GRM5: variants seen among roughly 807,000 people sequenced by gnomAD.
GRM5 encodes the protein metabotropic glutamate receptor 5.
In GRM5, 19 loss-of-function variants were observed where a neutral mutation model predicts 83.1. That is an observed-to-expected ratio of 0.23 (90% CI 0.16 to 0.34). The LOEUF is 0.34. Among genes scored for constraint, GRM5 ranks in the 10% least tolerant of loss-of-function variants. The pLI is 1.00. For missense variants in GRM5, 1,160 were observed against 1,588.3 expected, an observed-to-expected ratio of 0.73 and a Z score of 4.58; for synonymous variants, 675 against 633.6, an observed-to-expected ratio of 1.07 and a Z score of -0.98.
chr11:88,607,265 C>G (rs1938179693), intron 4 of GRM5, among the ~76,000 whole-genome samples: 1 of 152,168 alleles, frequency 6.6e-6, no homozygotes, highest in Admixed American at 6.5e-5. Flanking sequence ...GCTGGAAATT[C>G]CATTATTCTA....
intron 1 of GRM5, among the ~76,000 whole-genome samples, chr11:89,060,350 G>A (rs1321832403): frequency 1.3e-5 from 2 of 151,708 alleles, no homozygotes; most frequent in African/African-American, 4.8e-5. Flanking sequence ...GAAAATGGGG[G>A]ATGGGTTATG....
intron 7 of GRM5, among the ~76,000 whole-genome samples, chr11:88,576,068 A>G (rs182269251): frequency 1.2e-3 from 178 of 152,318 alleles, no homozygotes; most frequent in African/African-American, 3.8e-3. Flanking sequence ...GCTTTGAAAA[A>G]TATGACTTCC....
intron 9 of GRM5, chr11:88,512,340 A>T (rs1334194586): frequency 1.3e-5 from 2 of 154,422 alleles, no homozygotes; most frequent in Non-Finnish European, 2.9e-5. Flanking sequence ...AGAGAAATGG[A>T]GTCCAAATGT....
chr11:88,704,089 T>C (rs914641969), intron 3 of GRM5, among the ~76,000 whole-genome samples: 1 of 152,048 alleles, frequency 6.6e-6, no homozygotes, highest in Non-Finnish European at 1.5e-5. Context: ...GGTGCATGCA[T>C]ATGGAAGAAA....
chr11:88,570,890 A>G (rs1181676842), intron 7 of GRM5, among the ~76,000 whole-genome samples: 1 of 151,830 alleles, frequency 6.6e-6, no homozygotes, highest in Non-Finnish European at 1.5e-5. Context: ...ATTATTTTAT[A>G]TTAGTTCATT....
At chr11:88,984,917 A>T in intron 2 of GRM5, 1 of 614,598 alleles carries the variant, frequency 1.6e-6, no homozygotes, top group Non-Finnish European at 3.0e-6. Context: ...TATCAATGAT[A>T]TTTTTAAATG....
At chr11:88,545,680 T>G (rs1942371887) in intron 8 of GRM5, among the ~76,000 whole-genome samples, 1 of 152,198 alleles carries the variant, frequency 6.6e-6, no homozygotes, top group South Asian at 2.1e-4. Flanking sequence ...TTATTAAGTT[T>G]CATCATTATA....
intron 1 of GRM5, among the ~76,000 whole-genome samples, chr11:89,059,410 C>T (rs1386070794): frequency 6.6e-6 from 1 of 152,012 alleles, no homozygotes; most frequent in African/African-American, 2.4e-5. Flanking sequence ...TAGATATTTG[C>T]ACATTCCTTT....
intron 3 of GRM5, among the ~76,000 whole-genome samples, chr11:88,721,925 CTTAAT>C (rs1442245904): frequency 6.6e-6 from 1 of 152,142 alleles, no homozygotes; most frequent in African/African-American, 2.4e-5. Context: ...CTCATTACTT[CTTAAT>C]TTCTTTCCAG....
chr11:88,535,944 A>G (rs1479469998), intron 8 of GRM5, among the ~76,000 whole-genome samples: 1 of 152,238 alleles, frequency 6.6e-6, no homozygotes, highest in African/African-American at 2.4e-5. Flanking sequence ...CAAAAAAGAG[A>G]GAGATCGATT....
At position 88,739,428 on chromosome 11, in the gene GRM5, A is replaced by G. The variant is rs1941985788; in HGVS notation, c.912-86025T>C. Among the ~76,000 whole-genome samples, 2 of 152,068 alleles carry G rather than the reference A, an allele frequency of 1.3e-5. 1 individual carries two copies. Among genetic ancestry groups the G allele is most frequent in the South Asian group, 4.1e-4 (2 of 4,828 alleles). ...TCAGGATCATATACTCCATATACTT[A>G]TTGTATCATCTTACATTTATTTTAA... is the stretch of plus-strand genomic sequence containing the variant. On this transcript the variant is annotated intron_variant, in intron 3 of 9. Transcript: ENST00000305447.
At chr11:88,637,992 C>A (rs960480361) in intron 4 of GRM5, among the ~76,000 whole-genome samples, 1 of 152,010 alleles carries the variant, frequency 6.6e-6, no homozygotes, top group Admixed American at 6.6e-5. Flanking sequence ...ATGATTAGTT[C>A]ATGTCCTTTT....
chr11:88,807,770 C>A (rs975776045), intron 3 of GRM5, among the ~76,000 whole-genome samples: 3 of 151,934 alleles, frequency 2.0e-5, no homozygotes, highest in African/African-American at 7.2e-5. Flanking sequence ...TTTTAGGCAT[C>A]TGAAATTAAT....
chr11:88,947,262 G>A (rs1189822893), intron 2 of GRM5, among the ~76,000 whole-genome samples: 2 of 152,028 alleles, frequency 1.3e-5, no homozygotes, highest in African/African-American at 4.8e-5. Context: ...GCATGTTAAT[G>A]TTTATAGAAA....
intron 2 of GRM5, among the ~76,000 whole-genome samples, chr11:88,854,138 C>A (rs960569584): frequency 6.7e-6 from 1 of 149,538 alleles, no homozygotes; most frequent in African/African-American, 2.5e-5. Context: ...AGAAAAATTT[C>A]TGCCATTTGC....
chr11:88,640,808 C>A (rs1424186099), intron 4 of GRM5, among the ~76,000 whole-genome samples: 4 of 152,116 alleles, frequency 2.6e-5, no homozygotes, highest in Non-Finnish European at 1.5e-5. Context: ...AGCTTCCACG[C>A]TCTCCCTGGG....
chr11:88,669,585 T>G lies in GRM5; in HGVS notation c.912-16182A>C, dbSNP rs1591428433. 2.6e-5 allele frequency among the ~76,000 whole-genome samples: 4 copies of G among 152,126 alleles called. 1 individual carries two copies. In the South Asian group the frequency reaches 8.3e-4, roughly 32 times the overall value. On this transcript the variant is annotated intron_variant, in intron 3 of 9. Transcript: ENST00000305447. ...CTATAGATATACTACAGATACACTA[T>G]TACAAATAACAAAGGAATTTAGAAA... is the stretch of plus-strand genomic sequence containing the variant.
intron 3 of GRM5, among the ~76,000 whole-genome samples, chr11:88,776,267 G>GT (rs557317913): frequency 8.4e-4 from 127 of 151,582 alleles, no homozygotes; most frequent in Non-Finnish European, 1.5e-3. Context: ...TGCAACCCCT[G>GT]TTTTTTTTGC....
chr11:88,867,085 A>G (rs898314056), intron 2 of GRM5, among the ~76,000 whole-genome samples: 1 of 152,070 alleles, frequency 6.6e-6, no homozygotes, highest in African/African-American at 2.4e-5. Context: ...TGATATGAGT[A>G]CCACGCTGTT....
Sources: allele counts gnomAD v4.1 joint callset (sites outside exome capture counted in the v4.1 genomes callset), GRCh38; gene constraint gnomAD v4.1.1; transcripts MANE v1.5; gene names NCBI Gene and HGNC (gene_info 2026-07-23, HGNC 2026-07-21).